Variants in PRICKLE1 observed in about 807,000 individuals in gnomAD.
PRICKLE1 encodes the protein prickle-like protein 1.
PRICKLE1 carries 14 observed loss-of-function variants against 70.2 expected under a neutral mutation model. The observed-to-expected ratio is 0.20, with a 90% CI of 0.13 to 0.31. The LOEUF (loss-of-function observed/expected upper bound fraction) is 0.31. PRICKLE1 is among the 10% of genes least tolerant of loss of function. The probability of loss-of-function intolerance (pLI) is 1.00; values close to 1 mark genes in which losing one functional copy is unlikely to be tolerated. For synonymous variants in PRICKLE1, 357 were observed against 379.9 expected (o/e 0.94, Z 0.70); for missense variants, 821 against 1,026.2 (o/e 0.80, Z 2.73).
chr12:42,544,052 G>A (rs1468337486), intron 1 of PRICKLE1, among the ~76,000 whole-genome samples: 1 of 129,958 alleles, frequency 7.7e-6, no homozygotes, highest in East Asian at 2.5e-4. Flanking sequence ...TGTCAAGTAG[G>A]TTGAGAAGAA....
At chr12:42,470,855 A>G (rs966511855) in intron 2 of PRICKLE1, among the ~76,000 whole-genome samples, 18 of 152,012 alleles carry the variant, frequency 1.2e-4, no homozygotes, top group South Asian at 1.0e-3. Context: ...GCAGTCACCC[A>G]AGATCGCGCC....
intron 1 of PRICKLE1, among the ~76,000 whole-genome samples, chr12:42,535,880 C>T (rs981130901): frequency 6.6e-6 from 1 of 152,288 alleles, no homozygotes; most frequent in African/African-American, 2.4e-5. Context: ...ATGTATATGA[C>T]GATCTGTGCT....
chr12:42,493,334 A>G (rs951636955), intron 1 of PRICKLE1, among the ~76,000 whole-genome samples: 2 of 152,200 alleles, frequency 1.3e-5, no homozygotes, highest in Non-Finnish European at 2.9e-5. Flanking sequence ...TGTACCCCAT[A>G]AATATATACA....
Position 42,473,236 on chromosome 12 carries a change from CAACA to C in PRICKLE1, c.-48-676_-48-673del, listed in dbSNP as rs1332992667. ...TCAGACATTCATCAGTGAGTTCCTT[CAACA>C]AACAGTCACTGAATACAGTACTATG... On this transcript the variant is annotated intron_variant, in intron 1 of 7. Coordinates refer to ENST00000345127, the MANE Select transcript of PRICKLE1 (RefSeq NM_153026.3). Among the ~76,000 whole-genome samples the C allele has an allele frequency of 2.6e-5, 4 of 152,354 alleles. No homozygotes were observed. The East Asian group carries it at 7.7e-4, about 29-fold the overall frequency.
rs1315175045 is a variant in PRICKLE1 at position 42,460,023 on chromosome 12, G to A, written c.2282C>T (p.Ser761Phe). The A allele has an allele frequency of 6.2e-7, 1 of 1,614,000 alleles. No individual in the cohort carries two copies. The highest frequency in any genetic ancestry group is 2.2e-5 in the East Asian group (1 of 44,860). Reference protein sequence around the residue: ...FLGLYGEDDDSWCSSSSSSSD... With the variant: ...FLGLYGEDDDFWCSSSSSSSD... ...AGAGGAGGAGGAGGAAGAACACCAG[G>A]AATCATCATCCTCGCCGTAGAGTCC... The change falls in exon 8 of 8, where the codon TCC becomes TTC. Residue 761 changes from serine (S) to phenylalanine (F), a missense_variant. Transcript: ENST00000345127.
rs1391566348 is a variant in PRICKLE1 at position 42,572,460 on chromosome 12, TAAATA to T, written c.-49+17000_-49+17004del. ...TTAAATAAATAAATAAATAAATAAA[TAAATA>T]AATAAATTAAAAATACTTGTTTTTA... On this transcript the variant is annotated intron_variant, in intron 1 of 7. Coordinates refer to ENST00000345127, the MANE Select transcript of PRICKLE1 (RefSeq NM_153026.3). Among the ~76,000 whole-genome samples the T allele has an allele frequency of 2.0e-3, 301 of 149,184 alleles. 2 individuals are homozygous for T. Among genetic ancestry groups the T allele is most frequent in the East Asian group, 0.015 (77 of 5,162 alleles).
At chr12:42,585,372 T>A (rs1346118153) in intron 1 of PRICKLE1, among the ~76,000 whole-genome samples, 1 of 151,940 alleles carries the variant, frequency 6.6e-6, no homozygotes, top group Non-Finnish European at 1.5e-5. Flanking sequence ...CCTGGAGAGG[T>A]CCCTTCAAAA....
chr12:42,582,387 A>G (rs1940916620), intron 1 of PRICKLE1, among the ~76,000 whole-genome samples: 1 of 152,252 alleles, frequency 6.6e-6, no homozygotes, highest in Non-Finnish European at 1.5e-5. Flanking sequence ...GCTTAGCATC[A>G]GAAAGCAGTT....
chr12:42,518,170 C>A (rs1017955592), intron 1 of PRICKLE1, among the ~76,000 whole-genome samples: 2 of 151,462 alleles, frequency 1.3e-5, no homozygotes, highest in African/African-American at 4.8e-5. Flanking sequence ...CAGCCTCCTG[C>A]GTAGCTGGAA....
intron 5 of PRICKLE1, among the ~76,000 whole-genome samples, chr12:42,468,360 AT>A (rs1439813872): frequency 2.0e-5 from 3 of 152,236 alleles, no homozygotes; most frequent in Non-Finnish European, 2.9e-5. Flanking sequence ...CATAATACTT[AT>A]CAAAGTACAA....
intron 4 of PRICKLE1, 60 bp downstream of exon 4, chr12:42,469,390 G>T: frequency 2.5e-6 from 4 of 1,606,484 alleles, no homozygotes; most frequent in South Asian, 1.1e-5. Flanking sequence ...ACCTACCCCC[G>T]ACTGTCCACC....
Position 42,480,066 on chromosome 12 carries a change from A to T in PRICKLE1, c.-48-7502T>A, listed in dbSNP as rs1938737755. On this transcript the variant is annotated intron_variant, in intron 1 of 7. Coordinates refer to ENST00000345127, the MANE Select transcript of PRICKLE1 (RefSeq NM_153026.3). ...GATCATTTGTTTTCATTTTGAGCAC[A>T]GTAGAAAACACTGGCTTCGGGATTC... Among the ~76,000 whole-genome samples the T allele has an allele frequency of 1.3e-5, 2 of 152,374 alleles. 1 individual carries two copies. The highest frequency in any genetic ancestry group is 4.1e-4 in the South Asian group (2 of 4,828).
At chr12:42,560,027 G>A (rs547160615) in intron 1 of PRICKLE1, among the ~76,000 whole-genome samples, 53 of 151,458 alleles carry the variant, frequency 3.5e-4, no homozygotes, top group Non-Finnish European at 6.2e-4. Context: ...GGAAGGAAAA[G>A]AACAGGAACC....
At chr12:42,535,155 G>T (rs577805111) in intron 1 of PRICKLE1, among the ~76,000 whole-genome samples, 3 of 152,112 alleles carry the variant, frequency 2.0e-5, no homozygotes, top group African/African-American at 7.2e-5. Flanking sequence ...CTCAATTCTG[G>T]AACTTTCCTG....
Position 42,476,311 on chromosome 12 carries a change from T to A in PRICKLE1, c.-48-3747A>T, listed in dbSNP as rs372765963. 9.9e-5 allele frequency among the ~76,000 whole-genome samples: 15 copies of A among 152,134 alleles called. No homozygotes were observed. In the East Asian group the frequency reaches 2.9e-3, roughly 30 times the overall value. On this transcript the variant is annotated intron_variant, in intron 1 of 7. Transcript: ENST00000345127. ...GATTCTCCTGCCTCAGTCTCCCAAGTAGCTGGGATTACAGGCATGTGCCAC... is the reference window on the plus strand; with the variant it reads ...GATTCTCCTGCCTCAGTCTCCCAAGAAGCTGGGATTACAGGCATGTGCCAC...
chr12:42,518,444 T>C (rs1939648363), intron 1 of PRICKLE1, among the ~76,000 whole-genome samples: 1 of 152,190 alleles, frequency 6.6e-6, no homozygotes, highest in South Asian at 2.1e-4. Flanking sequence ...GAAGTATCTT[T>C]CCCTAATAAG....
chr12:42,518,079 TAAG>T (rs1254576378), intron 1 of PRICKLE1, among the ~76,000 whole-genome samples: 2 of 151,438 alleles, frequency 1.3e-5, no homozygotes, highest in South Asian at 2.1e-4. Context: ...TTGGTTAAAT[TAAG>T]AAGATCAGAA....
At chr12:42,531,078 G>A (rs1303345200) in intron 1 of PRICKLE1, among the ~76,000 whole-genome samples, 2 of 120,570 alleles carry the variant, frequency 1.7e-5, no homozygotes, top group African/African-American at 6.6e-5. Context: ...ACGGAGTCTC[G>A]CTCTGTCTCC....
intron 1 of PRICKLE1, among the ~76,000 whole-genome samples, chr12:42,540,719 C>T (rs964959451): frequency 3.3e-5 from 5 of 152,078 alleles, no homozygotes; most frequent in Admixed American, 6.6e-5. Context: ...TGCACCACCA[C>T]GCTGGCTAAT....
Sources: allele counts gnomAD v4.1 joint callset (sites outside exome capture counted in the v4.1 genomes callset), GRCh38; gene constraint gnomAD v4.1.1; transcripts MANE v1.5; gene names NCBI Gene and HGNC (gene_info 2026-07-23, HGNC 2026-07-21).